Variants in CDH12 observed in about 807,000 individuals in gnomAD.
CDH12 encodes the protein cadherin-12.
CDH12 carries 41 observed loss-of-function variants against 74.1 expected under a neutral mutation model. The ratio of observed to expected loss-of-function variants is 0.55; its 90% CI spans 0.43 to 0.72. The LOEUF (loss-of-function observed/expected upper bound fraction) is 0.72, where lower values mean the gene tolerates loss of function less well. Among genes scored for constraint, CDH12 ranks in the 30% least tolerant of loss-of-function variants. CDH12 has a pLI of 0.00. For synonymous variants in CDH12, 399 were observed against 355.0 expected, an observed-to-expected ratio of 1.12 and a Z score of -1.39; for missense variants, 945 against 977.2, an observed-to-expected ratio of 0.97 and a Z score of 0.44.
intron 4 of CDH12, among the ~76,000 whole-genome samples, chr5:22,087,109 T>C (rs1337206745): frequency 1.3e-5 from 2 of 152,104 alleles, no homozygotes; most frequent in South Asian, 2.1e-4. Context: ...CTAAATGCAA[T>C]GGAGGGGATC....
At chr5:22,668,423 A>T (rs773154351) in intron 1 of CDH12, among the ~76,000 whole-genome samples, 3 of 152,192 alleles carry the variant, frequency 2.0e-5, no homozygotes, top group Non-Finnish European at 4.4e-5. Flanking sequence ...CATTGCTTAT[A>T]ATAGAATACC....
intron 2 of CDH12, among the ~76,000 whole-genome samples, chr5:22,422,231 A>T (rs181110285): frequency 2.4e-4 from 36 of 152,256 alleles, no homozygotes; most frequent in African/African-American, 7.2e-4. Context: ...TAAGAGTCAT[A>T]AATGACTCTT....
intron 4 of CDH12, among the ~76,000 whole-genome samples, chr5:22,182,391 A>G (rs1319491900): frequency 6.6e-6 from 1 of 152,124 alleles, no homozygotes; most frequent in Non-Finnish European, 1.5e-5. Flanking sequence ...TGATTTGATT[A>G]CAGTCCATTT....
intron 4 of CDH12, chr5:22,143,354 A>G (rs1746933130): frequency 6.6e-6 from 1 of 151,312 alleles, no homozygotes; most frequent in Non-Finnish European, 1.5e-5. Context: ...CTATAATACA[A>G]ATGTATAATA....
chr5:21,908,748 T>A (rs1753745650), intron 6 of CDH12, among the ~76,000 whole-genome samples: 1 of 152,120 alleles, frequency 6.6e-6, no homozygotes, highest in Non-Finnish European at 1.5e-5. Flanking sequence ...TCATCTTCAA[T>A]ACAGTGTCAC....
At chr5:21,796,195 A>G (rs1579717329) in intron 10 of CDH12, among the ~76,000 whole-genome samples, 1 of 152,174 alleles carries the variant, frequency 6.6e-6, no homozygotes, top group Non-Finnish European at 1.5e-5. Flanking sequence ...CATAAGTTGA[A>G]AATACCTTGA....
At chr5:22,354,426 C>T (rs1157886742) in intron 3 of CDH12, among the ~76,000 whole-genome samples, 2 of 152,180 alleles carry the variant, frequency 1.3e-5, no homozygotes, top group South Asian at 2.1e-4. Flanking sequence ...CCATTTACTA[C>T]ATCTACATGT....
chr5:21,872,179 T>A (rs1228355012), intron 6 of CDH12, among the ~76,000 whole-genome samples: 1 of 152,176 alleles, frequency 6.6e-6, no homozygotes, highest in African/African-American at 2.4e-5. Context: ...GGGCCCTGAG[T>A]AGCCCCAGCA....
chr5:22,390,975 G>C (rs1410302472), intron 3 of CDH12, among the ~76,000 whole-genome samples: 1 of 152,132 alleles, frequency 6.6e-6, no homozygotes, highest in East Asian at 1.9e-4. Context: ...GATCTGCTTT[G>C]GTTGGGATGA....
At chr5:22,381,068 T>A (rs1483318615) in intron 3 of CDH12, among the ~76,000 whole-genome samples, 1 of 152,068 alleles carries the variant, frequency 6.6e-6, no homozygotes, top group Non-Finnish European at 1.5e-5. Context: ...AATGTTTGAA[T>A]TAAAAAAGGC....
chr5:22,333,205 C>G (rs1170077988), intron 3 of CDH12, among the ~76,000 whole-genome samples: 1 of 152,042 alleles, frequency 6.6e-6, no homozygotes, highest in African/African-American at 2.4e-5. Context: ...CCTCAGCAAA[C>G]TAACACAGAA....
chr5:22,602,985 C>G (rs1186692409), intron 1 of CDH12, among the ~76,000 whole-genome samples: 1 of 152,104 alleles, frequency 6.6e-6, no homozygotes, highest in Non-Finnish European at 1.5e-5. Context: ...GAAACATACA[C>G]TCAACTTAGA....
At chr5:22,689,578 G>C (rs182620183) in intron 1 of CDH12, among the ~76,000 whole-genome samples, 12 of 151,302 alleles carry the variant, frequency 7.9e-5, no homozygotes, top group Non-Finnish European at 5.9e-5. Context: ...TGTTTCAAAA[G>C]TATTTATTCC....
chr5:22,815,520 A>G (rs1381430692), intron 1 of CDH12, among the ~76,000 whole-genome samples: 4 of 152,162 alleles, frequency 2.6e-5, no homozygotes, highest in Non-Finnish European at 5.9e-5. Context: ...CTGTAATCCC[A>G]GCACTTTGGG....
intron 4 of CDH12, among the ~76,000 whole-genome samples, chr5:22,177,815 C>G (rs925305842): frequency 6.6e-6 from 1 of 152,158 alleles, no homozygotes; most frequent in African/African-American, 2.4e-5. Context: ...GGACATTTCT[C>G]TCTTAGCTTC....
intron 1 of CDH12, among the ~76,000 whole-genome samples, chr5:22,564,343 A>G (rs574362462): frequency 1.3e-5 from 2 of 152,298 alleles, no homozygotes; most frequent in South Asian, 4.1e-4. Flanking sequence ...GTGGCCTTTG[A>G]TCAAGTGTAT....
At chr5:22,344,434 G>T (rs899095626) in intron 3 of CDH12, among the ~76,000 whole-genome samples, 2 of 152,124 alleles carry the variant, frequency 1.3e-5, no homozygotes, top group Non-Finnish European at 2.9e-5. Context: ...TGTGTTGATT[G>T]ATTTGAAAAT....
intron 5 of CDH12, among the ~76,000 whole-genome samples, chr5:22,049,469 A>T (rs1434188896): frequency 6.6e-6 from 1 of 151,958 alleles, no homozygotes; most frequent in Non-Finnish European, 1.5e-5. Flanking sequence ...ATATGTTTCT[A>T]GTCATCTTCC....
chr5:22,541,975 G>C (rs1191337558), intron 1 of CDH12, among the ~76,000 whole-genome samples: 3 of 152,168 alleles, frequency 2.0e-5, no homozygotes, highest in Non-Finnish European at 2.9e-5. Context: ...CATTTGCTCT[G>C]TTAGGGCTAC....
Sources: gnomAD v4.1 joint callset for allele counts (sites outside exome capture counted in the v4.1 genomes callset) on GRCh38, gnomAD v4.1.1 for gene constraint, MANE v1.5 for transcripts, NCBI Gene and HGNC (gene_info 2026-07-23, HGNC 2026-07-21) for gene names.